The following METTL8 variants were observed in gnomAD, a reference collection of about 807,000 sequenced individuals.
METTL8 encodes the protein methyltransferase 8, tRNA N3-cytidine, also known as tRNA N(3)-cytidine methyltransferase METTL8, mitochondrial.
A neutral mutation model predicts 48.7 loss-of-function variants in METTL8; 32 were observed. That is an observed-to-expected ratio of 0.66 (90% CI 0.50 to 0.88). METTL8 has a LOEUF of 0.88. Among genes scored for constraint, METTL8 ranks in the 40% least tolerant of loss-of-function variants. The pLI is 0.00. For synonymous variants in METTL8, 136 were observed against 157.1 expected, an observed-to-expected ratio of 0.87 and a Z score of 1.01; for missense variants, 464 against 474.4, an observed-to-expected ratio of 0.98 and a Z score of 0.20.
chr2:171,431,407 T>C (rs1441112704), intron 1 of METTL8, among the ~76,000 whole-genome samples: 2 of 152,220 alleles, frequency 1.3e-5, no homozygotes, highest in African/African-American at 4.8e-5. Context: ...CTTTCTTTAC[T>C]GGGAGCTTTC....
intron 3 of METTL8, among the ~76,000 whole-genome samples, chr2:171,349,147 C>A (rs941988717): frequency 6.6e-6 from 1 of 152,116 alleles, no homozygotes; most frequent in African/African-American, 2.4e-5. Flanking sequence ...AATGACAACT[C>A]CCCCTTTTAT....
At chr2:171,371,565 C>CA (rs1423431904) in intron 2 of METTL8, among the ~76,000 whole-genome samples, 1 of 151,866 alleles carries the variant, frequency 6.6e-6, no homozygotes, top group African/African-American at 2.4e-5. Flanking sequence ...CCATATAGGC[C>CA]AGGCTGGTCT....
intron 1 of METTL8, among the ~76,000 whole-genome samples, chr2:171,420,389 G>A (rs1052594440): frequency 1.3e-5 from 2 of 152,060 alleles, no homozygotes; most frequent in Non-Finnish European, 2.9e-5. Context: ...AGAAGATGAG[G>A]CAGACATGGT....
At chr2:171,360,959 TG>T (rs1559109935) in intron 2 of METTL8, among the ~76,000 whole-genome samples, 34 of 152,388 alleles carry the variant, frequency 2.2e-4, no homozygotes, top group Admixed American at 2.1e-3. Context: ...TAAAATGTTT[TG>T]TACTTAGCCT....
At chr2:171,407,359 CAG>C (rs780613998) in intron 1 of METTL8, among the ~76,000 whole-genome samples, 7 of 151,420 alleles carry the variant, frequency 4.6e-5, no homozygotes, top group East Asian at 1.9e-4. Flanking sequence ...TGGAAAGAAA[CAG>C]GGGAGGGAGA....
At position 171,339,313 on chromosome 2, in the gene METTL8, A is replaced by C. The variant is rs760815681; in HGVS notation, c.477T>G (p.Ser159Arg). 5.0e-6 allele frequency: 8 copies of C among 1,613,172 alleles called. No homozygotes were observed. Among genetic ancestry groups the C allele is most frequent in the South Asian group, 1.1e-5 (1 of 90,942 alleles). ...TGCTTTGACCTTCTGAAGAACCAGA[A>C]CTTTTCTCATAATGATTTTTTTCAT... ...VPDEKNHYEK[S>R]SGSSEGQSKT... Residue 159 changes from serine (S) to arginine (R), a missense_variant, in exon 4 of 10, where the codon AGT (serine) becomes AGG (arginine). By Grantham distance (110) the Ser-to-Arg change is moderately radical. Coordinates refer to ENST00000375258, the MANE Select transcript of METTL8 (RefSeq NM_001321154.2).
chr2:171,324,323 T>C lies in METTL8; in HGVS notation c.1073A>G (p.Glu358Gly). The C allele has an allele frequency of 6.4e-7, 1 of 1,551,706 alleles. No individual in the cohort carries two copies. Among genetic ancestry groups the C allele is most frequent in the African/African-American group, 1.4e-5 (1 of 73,162 alleles). ...HSMFCKASLD[E>G]KQNLVDRRLQ... ...GCGGCGATCAACCAGATTTTGCTTT[T>C]CATCTAAACTGGCTTTGCAGAACAT... is the stretch of plus-strand genomic sequence containing the variant. The change falls in exon 10 of 10, where the codon GAA (glutamate) becomes GGA (glycine). Residue 358 changes from glutamate (E) to glycine (G), a missense_variant. By Grantham distance (98) the Glu-to-Gly change is moderately conservative. Coordinates refer to ENST00000375258, the MANE Select transcript of METTL8 (RefSeq NM_001321154.2).
chr2:171,378,554 C>G (rs956184652), intron 2 of METTL8, among the ~76,000 whole-genome samples: 5 of 152,086 alleles, frequency 3.3e-5, no homozygotes, highest in Admixed American at 6.6e-5. Flanking sequence ...ATTGCTTGAA[C>G]CCGGGAGGTG....
chr2:171,346,341 C>T (rs1285918554), intron 3 of METTL8, among the ~76,000 whole-genome samples: 1 of 152,154 alleles, frequency 6.6e-6, no homozygotes, highest in African/African-American at 2.4e-5. Context: ...ATGCCATATA[C>T]ATTTTAATCA....
intron 2 of METTL8, among the ~76,000 whole-genome samples, chr2:171,364,776 A>C (rs2105483753): frequency 6.6e-6 from 1 of 152,284 alleles, no homozygotes; most frequent in Admixed American, 6.5e-5. Flanking sequence ...GCTTCCTGTT[A>C]CAACTTTTAA....
In METTL8 at chr2:171,423,263, T is replaced by C. The variant is rs571865611; in HGVS notation, c.-13+10620A>G. On this transcript the variant is annotated intron_variant, in intron 1 of 9. Coordinates refer to ENST00000375258, the MANE Select transcript of METTL8 (RefSeq NM_001321154.2). ...TACCCAGTCTCAGGTATGTCTTTAT[T>C]AGTAACGTGAGAACAGACTAATATA... is the stretch of plus-strand genomic sequence containing the variant. Among the ~76,000 whole-genome samples the C allele has an allele frequency of 3.3e-5, 5 of 152,290 alleles. No individual in the cohort carries two copies. In the South Asian group the frequency reaches 1.0e-3, roughly 32 times the overall value.
rs74482958 is a variant in METTL8 at position 171,399,609 on chromosome 2, C to G, written c.-12-7412G>C. 1.1e-3 allele frequency among the ~76,000 whole-genome samples: 163 copies of G among 152,206 alleles called. 4 individuals carry two copies. Among genetic ancestry groups the G allele is most frequent in the East Asian group, 9.4e-3 (49 of 5,186 alleles). On this transcript the variant is annotated intron_variant, in intron 1 of 9. Coordinates refer to ENST00000375258, the MANE Select transcript of METTL8 (RefSeq NM_001321154.2). ...TACAAATTTTGGCTAGATGCTTTGC[C>G]TACCACTAAAATGGGATCCTTTTCA... is the stretch of plus-strand genomic sequence containing the variant.
chr2:171,332,725 T>C (rs1055656717), intron 5 of METTL8: 1 of 152,358 alleles, frequency 6.6e-6, no homozygotes, highest in African/African-American at 2.4e-5. Context: ...TTTTATAGTC[T>C]AGTTGGGGAC....
intron 1 of METTL8, among the ~76,000 whole-genome samples, chr2:171,432,731 A>G (rs985501721): frequency 6.6e-6 from 1 of 152,332 alleles, no homozygotes; most frequent in Admixed American, 6.5e-5. Flanking sequence ...AATGTTTACT[A>G]AACACTTAAA....
intron 2 of METTL8, among the ~76,000 whole-genome samples, chr2:171,382,293 T>G (rs1687628728): frequency 6.6e-6 from 1 of 152,122 alleles, no homozygotes; most frequent in Non-Finnish European, 1.5e-5. Context: ...AGCAAAGACA[T>G]GGAACCAACC....
intron 1 of METTL8, among the ~76,000 whole-genome samples, chr2:171,410,097 C>A (rs552991688): frequency 6.6e-6 from 1 of 152,300 alleles, no homozygotes; most frequent in South Asian, 2.1e-4. Flanking sequence ...TAATTATGTT[C>A]TTAATCTCCA....
chr2:171,367,713 C>T (rs10191669), intron 2 of METTL8, among the ~76,000 whole-genome samples: 150,187 of 152,328 alleles, frequency 0.99, 74,085 homozygotes, highest in Middle Eastern at 1. Flanking sequence ...ATAGCATTTA[C>T]ATATAGAGGT....
At chr2:171,344,284 A>T (rs1000713594) in intron 3 of METTL8, among the ~76,000 whole-genome samples, 1 of 152,204 alleles carries the variant, frequency 6.6e-6, no homozygotes, top group African/African-American at 2.4e-5. Context: ...GGAAATAAAG[A>T]ATTTCCCCAA....
intron 2 of METTL8, among the ~76,000 whole-genome samples, chr2:171,385,886 T>C (rs1688002589): frequency 1.3e-5 from 2 of 152,218 alleles, no homozygotes; most frequent in African/African-American, 4.8e-5. Context: ...AATAGTTCTG[T>C]TGCTAAAGAA....
Sources: gnomAD v4.1 joint callset for allele counts (sites outside exome capture counted in the v4.1 genomes callset) on GRCh38, gnomAD v4.1.1 for gene constraint, MANE v1.5 for transcripts, NCBI Gene and HGNC (gene_info 2026-07-23, HGNC 2026-07-21) for gene names.